The following KCNMB2 variants were observed in gnomAD, a reference collection of about 807,000 sequenced individuals.
KCNMB2 encodes potassium calcium-activated channel subfamily M regulatory beta subunit 2.
In KCNMB2, 9 loss-of-function variants were observed where a neutral mutation model predicts 24.5. The observed-to-expected ratio is 0.37, with a 90% CI of 0.22 to 0.64. The LOEUF is 0.64. Ranked by LOEUF, KCNMB2 falls within the 30% of genes least tolerant of loss-of-function variation. The pLI is 0.63. For missense variants in KCNMB2, 226 were observed against 284.3 expected, an observed-to-expected ratio of 0.79 and a Z score of 1.47; for synonymous variants, 109 against 104.4, an observed-to-expected ratio of 1.04 and a Z score of -0.27.
intron 1 of KCNMB2, among the ~76,000 whole-genome samples, chr3:178,671,478 G>A (rs1004977165): frequency 1.3e-5 from 2 of 152,220 alleles, no homozygotes; most frequent in African/African-American, 4.8e-5. Context: ...CCATCTGCCT[G>A]GCAGAGCAAA....
At chr3:178,574,873 G>T (rs1368937431) in intron 1 of KCNMB2, among the ~76,000 whole-genome samples, 1 of 152,130 alleles carries the variant, frequency 6.6e-6, no homozygotes, top group Non-Finnish European at 1.5e-5. Flanking sequence ...TTCAAGACCA[G>T]CCTGGCCAAC....
rs200106452 is a variant in KCNMB2 at position 178,570,515 on chromosome 3, C to CTTTT, written c.-68+33826_-68+33829dup. Among the ~76,000 whole-genome samples the CTTTT allele has an allele frequency of 1.8e-3, 210 of 114,524 alleles. 3 individuals carry two copies. The highest frequency in any genetic ancestry group is 5.8e-3 in the African/African-American group (191 of 32,862). 75.1% of individuals were successfully genotyped at this position (114,524 alleles called of 152,430 possible). ...GAACATTGACCAAAGGTAATGATAC[C>CTTTT]TTTTTTTTTTTTTTTTTTTTTTTTT... On this transcript the variant is annotated intron_variant, in intron 1 of 4. Coordinates refer to ENST00000452583, the MANE Select transcript of KCNMB2 (RefSeq NM_181361.3).
intron 1 of KCNMB2, among the ~76,000 whole-genome samples, chr3:178,544,589 T>C (rs528929445): frequency 3.3e-5 from 5 of 152,276 alleles, no homozygotes; most frequent in Middle Eastern, 3.4e-3. Context: ...CTTATAATAC[T>C]GGACAGGAGG....
intron 1 of KCNMB2, among the ~76,000 whole-genome samples, chr3:178,622,681 T>C (rs962065305): frequency 2.6e-5 from 4 of 152,190 alleles, no homozygotes; most frequent in Non-Finnish European, 5.9e-5. Flanking sequence ...TGAAAACCTC[T>C]CTACCTGCTG....
At chr3:178,548,435 C>T (rs963512018) in intron 1 of KCNMB2, among the ~76,000 whole-genome samples, 1 of 152,162 alleles carries the variant, frequency 6.6e-6, no homozygotes, top group African/African-American at 2.4e-5. Flanking sequence ...CAAGACCCTC[C>T]AATTTTTGAT....
intron 1 of KCNMB2, among the ~76,000 whole-genome samples, chr3:178,687,076 C>T (rs1721497064): frequency 6.6e-6 from 1 of 151,928 alleles, no homozygotes; most frequent in African/African-American, 2.4e-5. Flanking sequence ...ACAAAGTGGC[C>T]CAGTAGGGGT....
intron 1 of KCNMB2, among the ~76,000 whole-genome samples, chr3:178,702,411 C>G (rs1051765917): frequency 1.3e-5 from 2 of 150,598 alleles, no homozygotes; most frequent in African/African-American, 4.9e-5. Context: ...TGCACATGTA[C>G]CCTAGAACTT....
intron 1 of KCNMB2, among the ~76,000 whole-genome samples, chr3:178,648,910 G>A (rs970200822): frequency 6.6e-6 from 1 of 152,208 alleles, no homozygotes; most frequent in Admixed American, 6.6e-5. Context: ...TTTGATGGAT[G>A]TGGAGTGGTA....
intron 1 of KCNMB2, among the ~76,000 whole-genome samples, chr3:178,574,385 T>G (rs1435671671): frequency 6.6e-6 from 1 of 152,240 alleles, no homozygotes; most frequent in African/African-American, 2.4e-5. Context: ...TCCGGACATA[T>G]CTTATCTCTT....
intron 1 of KCNMB2, 149 bp downstream of exon 1, chr3:178,536,860 A>T (rs1192269563): frequency 2.0e-5 from 3 of 152,544 alleles, no homozygotes; most frequent in Non-Finnish European, 2.9e-5. Context: ...TGCTTAGAGC[A>T]AAACACAGTG....
At chr3:178,659,463 A>G (rs1305028704) in intron 1 of KCNMB2, among the ~76,000 whole-genome samples, 2 of 152,224 alleles carry the variant, frequency 1.3e-5, no homozygotes, top group African/African-American at 4.8e-5. Context: ...TTTGATGTCA[A>G]TTTCATAGAA....
At chr3:178,781,906 C>A (rs1395614805) in intron 1 of KCNMB2, among the ~76,000 whole-genome samples, 1 of 144,968 alleles carries the variant, frequency 6.9e-6, no homozygotes, top group Non-Finnish European at 1.5e-5. Flanking sequence ...CGTCATCTAG[C>A]ATTAGGTATA....
chr3:178,835,677 T>C (rs1204548406), intron 4 of KCNMB2, among the ~76,000 whole-genome samples: 1 of 151,874 alleles, frequency 6.6e-6, no homozygotes, highest in Non-Finnish European at 1.5e-5. Context: ...ATAATATTTA[T>C]GTTTCACATG....
intron 1 of KCNMB2, among the ~76,000 whole-genome samples, chr3:178,609,787 C>T (rs765373025): frequency 9.2e-5 from 14 of 152,026 alleles, no homozygotes; most frequent in Non-Finnish European, 1.5e-4. Flanking sequence ...CAGGCATGCA[C>T]CACCATGCCC....
chr3:178,626,984 T>C (rs1719144196), intron 1 of KCNMB2, among the ~76,000 whole-genome samples: 2 of 151,078 alleles, frequency 1.3e-5, no homozygotes, highest in Non-Finnish European at 2.9e-5. Context: ...TAACTTACAC[T>C]GGCCAATGGC....
chr3:178,568,917 A>G (rs1716668256), intron 1 of KCNMB2, among the ~76,000 whole-genome samples: 2 of 151,602 alleles, frequency 1.3e-5, no homozygotes, highest in South Asian at 4.2e-4. Context: ...GATAGACTGA[A>G]CTAGGACCTT....
chr3:178,691,938 T>C (rs966663859), intron 1 of KCNMB2, among the ~76,000 whole-genome samples: 22 of 152,336 alleles, frequency 1.4e-4, no homozygotes, highest in Admixed American at 6.5e-4. Flanking sequence ...TTTTTAATAA[T>C]AGCAATTCTG....
At chr3:178,835,061 C>T (rs944680433) in intron 4 of KCNMB2, among the ~76,000 whole-genome samples, 11 of 151,592 alleles carry the variant, frequency 7.3e-5, no homozygotes, top group African/African-American at 2.7e-4. Flanking sequence ...TGGATATTGT[C>T]TAATCCCAAA....
rs1417590344 is a variant in KCNMB2 at position 178,828,351 on chromosome 3, A to T, written c.401A>T (p.Glu134Val). The change falls in exon 4 of 5, where the codon GAG becomes GTG. Residue 134 changes from glutamate (E) to valine (V), a missense_variant. Transcript: ENST00000452583. ...AAGCTCCTCCTCTACCACACAGAAG[A>T]GACAATAAAAATCAATCAGAAGGTA... ...GEKLLLYHTEETIKINQKCSY... is the reference protein window; with the variant it reads ...GEKLLLYHTEVTIKINQKCSY... 3.1e-6 allele frequency: 5 copies of T among 1,613,314 alleles called. No individual in the cohort carries two copies. The highest frequency in any genetic ancestry group is 1.7e-5 in the Admixed American group (1 of 59,928).
Sources: allele counts gnomAD v4.1 joint callset (sites outside exome capture counted in the v4.1 genomes callset), GRCh38; gene constraint gnomAD v4.1.1; transcripts MANE v1.5; gene names NCBI Gene and HGNC (gene_info 2026-07-23, HGNC 2026-07-21).